The following MYO16 variants were observed in gnomAD, a reference collection of about 807,000 sequenced individuals.
The protein encoded by MYO16 is myosin XVI.
In MYO16, 94 loss-of-function variants were observed where a neutral mutation model predicts 205.3. The observed-to-expected ratio is 0.46, with a 90% confidence interval of 0.39 to 0.54. The LOEUF is 0.54. MYO16 is among the 20% of genes least tolerant of loss of function. The pLI is 0.00. For synonymous variants in MYO16, 988 were observed against 954.0 expected (o/e 1.04, Z -0.66); for missense variants, 2,315 against 2,387.5 (o/e 0.97, Z 0.63).
chr13:108,663,213 A>AAGCC (rs1438054087), intron 1 of MYO16, among the ~76,000 whole-genome samples: 1 of 152,054 alleles, frequency 6.6e-6, no homozygotes, highest in Non-Finnish European at 1.5e-5. Context: ...TTCACAATGC[A>AAGCC]AGCCTCTACA....
In MYO16 at chr13:109,120,462, A is replaced by G; in HGVS notation, c.3531A>G (p.Gln1177=). 1 of 1,606,434 alleles carries G rather than the reference A, an allele frequency of 6.2e-7. No individual in the cohort carries two copies. The highest frequency in any genetic ancestry group is 8.5e-7 in the Non-Finnish European group (1 of 1,175,018). Residue 1177 remains glutamine, a synonymous_variant, in exon 29 of 35, where the codon CAA becomes CAG. Coordinates refer to ENST00000457511, the MANE Select transcript of MYO16 (RefSeq NM_001198950.3). ...TGCAGAGAAAAATTATAACCTGCCA[A>G]AAAGGTAACATTTATATGCCAACAT... ...LQLQRKIITC[Q]KVIRGFLARQ...
intron 4 of MYO16, among the ~76,000 whole-genome samples, chr13:108,770,923 G>A (rs761524938): frequency 6.6e-6 from 1 of 152,178 alleles, no homozygotes; most frequent in Non-Finnish European, 1.5e-5. Flanking sequence ...AATGGAGTGA[G>A]CTATAGGCTA....
At chr13:108,759,484 A>T (rs936692088) in intron 4 of MYO16, among the ~76,000 whole-genome samples, 3 of 152,210 alleles carry the variant, frequency 2.0e-5, no homozygotes, top group African/African-American at 7.2e-5. Context: ...ATAGGAAATG[A>T]GAGAGTATTA....
chr13:108,738,711 T>C lies in MYO16; in HGVS notation c.507+11128T>C, dbSNP rs539057043. Among the ~76,000 whole-genome samples the C allele has an allele frequency of 9.1e-4, 138 of 152,330 alleles. 1 individual carries two copies. The highest frequency in any genetic ancestry group is 1.8e-3 in the Non-Finnish European group (121 of 68,024). ...TATCCTTGTTAACTTTCTGTCTCGT[T>C]GATCTGTGTAATATTGACAGTGGGG... On this transcript the variant is annotated intron_variant, in intron 4 of 34. Coordinates refer to ENST00000457511, the MANE Select transcript of MYO16 (RefSeq NM_001198950.3).
At chr13:109,025,819 G>T (rs1886344560) in intron 23 of MYO16, among the ~76,000 whole-genome samples, 1 of 152,136 alleles carries the variant, frequency 6.6e-6, no homozygotes, top group African/African-American at 2.4e-5. Context: ...TTTGATGTGA[G>T]ATGAGCAAAT....
chr13:109,050,345 G>T (rs1023704790), intron 24 of MYO16, among the ~76,000 whole-genome samples: 1 of 151,846 alleles, frequency 6.6e-6, no homozygotes, highest in Non-Finnish European at 1.5e-5. Context: ...TTAGAAGCAG[G>T]TTATGAATTT....
chr13:109,023,401 TTATA>T (rs1886187318), intron 23 of MYO16, among the ~76,000 whole-genome samples: 1 of 45,122 alleles, frequency 2.2e-5, no homozygotes. Context: ...AAATATATAT[TTATA>T]TATTATACAG....
Position 109,127,965 on chromosome 13 carries a change from G to C in MYO16, c.4051+415G>C, listed in dbSNP as rs1876348113. Among the ~76,000 whole-genome samples the C allele has an allele frequency of 6.6e-6, 1 of 151,788 alleles. No individual in the cohort carries two copies. Among genetic ancestry groups the C allele is most frequent in the African/African-American group, 2.4e-5 (1 of 41,272 alleles). Reference sequence around the variant, plus strand: ...TAAGTGAAATTATTTACCCATAGGAGAGTCATCGTGCAGGAAACTTCTGTT... The same window carrying C: ...TAAGTGAAATTATTTACCCATAGGACAGTCATCGTGCAGGAAACTTCTGTT... On this transcript the variant is annotated intron_variant, in intron 31 of 34. Coordinates refer to ENST00000457511, the MANE Select transcript of MYO16 (RefSeq NM_001198950.3). The surrounding 1 kb of genome is among the most constrained non-coding windows in gnomAD (Gnocchi z 4.2).
chr13:109,082,717 C>T (rs1888318285), intron 27 of MYO16, among the ~76,000 whole-genome samples: 1 of 152,000 alleles, frequency 6.6e-6, no homozygotes, highest in African/African-American at 2.4e-5. Flanking sequence ...CGCCTGTAAT[C>T]CCAGCTACTT....
chr13:108,827,033 G>A (rs1186965221), intron 9 of MYO16, among the ~76,000 whole-genome samples: 1 of 151,922 alleles, frequency 6.6e-6, no homozygotes, highest in African/African-American at 2.4e-5. Context: ...TTCTCCTAGG[G>A]GCATTGTTTA....
At chr13:108,593,419 C>A (rs1320967886), upstream of MYO16, among the ~76,000 whole-genome samples, 41 of 152,236 alleles carry the variant, frequency 2.7e-4, no homozygotes, top group Non-Finnish European at 4.4e-5. Context: ...CCGGCAGGGG[C>A]AGGAGCTGCT....
In MYO16 at chr13:108,855,510, T is replaced by C; in HGVS notation, c.1316T>C (p.Leu439Pro). 1 of 1,597,948 alleles carries C rather than the reference T, an allele frequency of 6.3e-7. No individual in the cohort carries two copies. The highest frequency in any genetic ancestry group is 8.6e-7 in the Non-Finnish European group (1 of 1,167,264). ...CTCAGCGAGCTCAATGATGGCAGCC[T>C]GCTCTATGAGATTCAGAAGCGCTTT... ...ATLSELNDGSLLYEIQKRFGN... is the reference protein window; with the variant it reads ...ATLSELNDGSPLYEIQKRFGN... The change falls in exon 11 of 35, where the codon CTG becomes CCG. Residue 439 changes from leucine to proline, a missense_variant. Physicochemically the swap from Leu to Pro is moderately conservative, Grantham distance 98. Around this residue, in one of 3 missense-constraint regions of MYO16, gnomAD observed 1,213 missense variants for 1,274.4 expected, o/e 0.95. Transcript: ENST00000457511.
intron 7 of MYO16, among the ~76,000 whole-genome samples, chr13:108,817,271 A>G (rs2139007760): frequency 6.6e-6 from 1 of 152,348 alleles, no homozygotes; most frequent in African/African-American, 2.4e-5. Flanking sequence ...AGCCAGAAAC[A>G]AATGGCTCAA....
chr13:108,970,704 C>T (rs1276788994), intron 20 of MYO16, among the ~76,000 whole-genome samples: 1 of 152,196 alleles, frequency 6.6e-6, no homozygotes, highest in Non-Finnish European at 1.5e-5. Flanking sequence ...AAATTGTCAT[C>T]ACTGGGATTC....
rs187154079 is a variant in MYO16, at chr13:109,076,600, C to T, written c.3335+21005C>T. Among the ~76,000 whole-genome samples the T allele has an allele frequency of 5.9e-5, 9 of 152,290 alleles. No homozygotes were observed. In the East Asian group the frequency reaches 1.7e-3, roughly 29 times the overall value. The stretch of plus-strand genomic sequence containing the variant: ...CTTATTTTCTACATTCTTCCATGCT[C>T]CATCTCAAGAAATCCCATAGCAGAG... On this transcript the variant is annotated intron_variant, in intron 27 of 34. Transcript: ENST00000457511.
rs1881743196 is a variant in MYO16, at chr13:108,666,591, G to A, written c.292+442G>A. ...TCCAGTCTCAGCCTCCCAGAGTGCAGGAATTACAGAGAATTGTTTTTCCTG... is the reference window on the plus strand; with the variant it reads ...TCCAGTCTCAGCCTCCCAGAGTGCAAGAATTACAGAGAATTGTTTTTCCTG... On this transcript the variant is annotated intron_variant, in intron 2 of 34. Coordinates refer to ENST00000457511, the MANE Select transcript of MYO16 (RefSeq NM_001198950.3). Among the ~76,000 whole-genome samples the A allele has an allele frequency of 1.3e-5, 2 of 152,056 alleles. 1 individual carries two copies. The highest frequency in any genetic ancestry group is 4.2e-4 in the South Asian group (2 of 4,818).
At chr13:108,830,467 G>A (rs75794987) in intron 9 of MYO16, among the ~76,000 whole-genome samples, 3,822 of 151,698 alleles carry the variant, frequency 0.025, 129 homozygotes, top group East Asian at 0.11. Flanking sequence ...GTAGGGACAT[G>A]GATGAAATTG....
chr13:109,008,362 ACTAT>A (rs1187304710), intron 21 of MYO16, among the ~76,000 whole-genome samples: 44 of 148,582 alleles, frequency 3.0e-4, no homozygotes, highest in South Asian at 2.7e-3. Flanking sequence ...GCACTACTGT[ACTAT>A]CTATCTTGTG....
chr13:108,571,352 GA>G, the MYO16 span, among the ~76,000 whole-genome samples: 1 of 151,344 alleles, frequency 6.6e-6, no homozygotes, highest in Non-Finnish European at 1.5e-5. Flanking sequence ...TTTGAGAATA[GA>G]AAAAATAATA....
Sources: allele counts gnomAD v4.1 joint callset (sites outside exome capture counted in the v4.1 genomes callset), GRCh38; gene constraint gnomAD v4.1.1; regional missense constraint gnomAD v4.1.1; non-coding constraint Gnocchi (gnomAD v3.1); transcripts MANE v1.5; gene names NCBI Gene and HGNC (gene_info 2026-07-23, HGNC 2026-07-21).